Variants in SOX5 observed in about 807,000 individuals in gnomAD.
The protein encoded by SOX5 is SRY-box transcription factor 5.
SOX5 carries 9 observed loss-of-function variants against 92.0 expected under a neutral mutation model. The ratio of observed to expected loss-of-function variants is 0.10; its 90% CI spans 0.06 to 0.17. The LOEUF (loss-of-function observed/expected upper bound fraction) is 0.17, where lower values mean the gene tolerates loss of function less well. SOX5 is among the 10% of genes least tolerant of loss of function. The pLI is 1.00. For missense variants in SOX5, 642 were observed against 944.5 expected, an observed-to-expected ratio of 0.68 and a Z score of 4.20; for synonymous variants, 344 against 336.3, an observed-to-expected ratio of 1.02 and a Z score of -0.25.
intron 3 of SOX5, among the ~76,000 whole-genome samples, chr12:24,246,459 A>G (rs1375818986): frequency 2.0e-5 from 3 of 152,134 alleles, no homozygotes; most frequent in Non-Finnish European, 4.4e-5. Context: ...AGAAACTGTA[A>G]GAGACTAAGA....
chr12:24,103,988 T>C (rs934082825), intron 4 of SOX5, among the ~76,000 whole-genome samples: 4 of 152,218 alleles, frequency 2.6e-5, no homozygotes, highest in African/African-American at 9.6e-5. Context: ...TGTGCAAGCA[T>C]TGTTTTCCCA....
chr12:24,423,765 T>C (rs1034600092), intron 1 of SOX5, among the ~76,000 whole-genome samples: 4 of 152,194 alleles, frequency 2.6e-5, no homozygotes, highest in African/African-American at 9.6e-5. Context: ...GTGACTGCAA[T>C]GTACGGGCTA....
At chr12:23,672,465 A>G (rs962956334) in intron 6 of SOX5, among the ~76,000 whole-genome samples, 4 of 152,104 alleles carry the variant, frequency 2.6e-5, no homozygotes, top group Non-Finnish European at 5.9e-5. Context: ...CCTGGGCCCT[A>G]TGAGTTTATA....
chr12:23,770,965 T>C (rs561527481), intron 3 of SOX5, among the ~76,000 whole-genome samples: 57 of 152,206 alleles, frequency 3.7e-4, no homozygotes, highest in African/African-American at 1.3e-3. Flanking sequence ...ACAGTGGAGA[T>C]ATTCAATAAA....
chr12:24,081,145 T>C (rs1039128663), intron 4 of SOX5, among the ~76,000 whole-genome samples: 1 of 151,934 alleles, frequency 6.6e-6, no homozygotes, highest in Non-Finnish European at 1.5e-5. Context: ...TTCCAAACAG[T>C]GTGAACTCAT....
rs79974955 is a variant in SOX5, at chr12:23,805,726, C to T, written c.481+40257G>A. Among the ~76,000 whole-genome samples the T allele has an allele frequency of 9.7e-3, 1,482 of 152,058 alleles. 29 individuals are homozygous for T. The highest frequency in any genetic ancestry group is 0.034 in the African/African-American group (1,421 of 41,484). On this transcript the variant is annotated intron_variant, in intron 3 of 14. Coordinates refer to ENST00000451604, the MANE Select transcript of SOX5 (RefSeq NM_006940.6). The stretch of plus-strand genomic sequence containing the variant: ...TCAGGATGATCTATACAAATGTATA[C>T]GGCCAAACAGTAATTCAGAACAAAG...
chr12:23,903,053 T>C (rs1222700767), intron 1 of SOX5, among the ~76,000 whole-genome samples: 1 of 152,156 alleles, frequency 6.6e-6, no homozygotes, highest in Non-Finnish European at 1.5e-5. Flanking sequence ...ACAGGAAATA[T>C]ATACCTACTC....
At chr12:24,091,700 AT>A (rs1944674071) in intron 4 of SOX5, among the ~76,000 whole-genome samples, 2 of 152,150 alleles carry the variant, frequency 1.3e-5, no homozygotes, top group South Asian at 4.1e-4. Context: ...GGTATGATAA[AT>A]TCATGCTAGG....
At chr12:24,529,018 T>A (rs1687151757) in intron 1 of SOX5, among the ~76,000 whole-genome samples, 2 of 152,212 alleles carry the variant, frequency 1.3e-5, no homozygotes, top group African/African-American at 4.8e-5. Flanking sequence ...TTGTGAAATA[T>A]GTATCACTGT....
chr12:23,802,556 G>A (rs1332051463), intron 3 of SOX5, among the ~76,000 whole-genome samples: 2 of 151,568 alleles, frequency 1.3e-5, no homozygotes, highest in African/African-American at 4.9e-5. Context: ...TCTAAACACA[G>A]CTTGCTTATG....
At chr12:24,063,788 A>G (rs7964057) in intron 4 of SOX5, among the ~76,000 whole-genome samples, 44,205 of 152,056 alleles carry the variant, frequency 0.29, 6,746 homozygotes, top group African/African-American at 0.35. Context: ...TGGAATCAGA[A>G]GACCTAGCTC....
At chr12:24,061,391 A>G (rs1166630172) in intron 4 of SOX5, among the ~76,000 whole-genome samples, 1 of 152,030 alleles carries the variant, frequency 6.6e-6, no homozygotes, top group Non-Finnish European at 1.5e-5. Flanking sequence ...CAAACCATCC[A>G]TTATTGCCAT....
At chr12:23,640,369 G>T (rs1466595706) in intron 8 of SOX5, among the ~76,000 whole-genome samples, 7 of 152,146 alleles carry the variant, frequency 4.6e-5, no homozygotes, top group Admixed American at 4.6e-4. Context: ...AACTCAGCTG[G>T]TATTAGCAAG....
At chr12:23,781,202 T>A (rs183960440) in intron 3 of SOX5, among the ~76,000 whole-genome samples, 1 of 152,038 alleles carries the variant, frequency 6.6e-6, no homozygotes, top group East Asian at 1.9e-4. Context: ...CAGCTCAACT[T>A]TTCTGTACTT....
intron 6 of SOX5, among the ~76,000 whole-genome samples, chr12:23,727,721 T>C (rs2093210450): frequency 6.6e-6 from 1 of 152,082 alleles, no homozygotes; most frequent in African/African-American, 2.4e-5. Flanking sequence ...TATTTAAAGT[T>C]GATAAGTCAG....
At chr12:23,895,397 A>T (rs1451664932) in intron 2 of SOX5, among the ~76,000 whole-genome samples, 2 of 152,078 alleles carry the variant, frequency 1.3e-5, no homozygotes, top group African/African-American at 4.8e-5. Flanking sequence ...AATAACACTG[A>T]TTTATCATGT....
intron 1 of SOX5, among the ~76,000 whole-genome samples, chr12:24,515,522 C>A (rs980793682): frequency 1.3e-5 from 2 of 152,156 alleles, no homozygotes; most frequent in African/African-American, 4.8e-5. Flanking sequence ...TTCTCACAGA[C>A]ACTCTAGCAA....
At chr12:24,178,523 G>A (rs919487968) in intron 4 of SOX5, among the ~76,000 whole-genome samples, 23 of 152,198 alleles carry the variant, frequency 1.5e-4, no homozygotes, top group African/African-American at 5.3e-4. Flanking sequence ...ACTTTTTCAA[G>A]ATAAGTGAGA....
chr12:24,391,627 T>A (rs1959004966), intron 1 of SOX5, among the ~76,000 whole-genome samples: 1 of 152,176 alleles, frequency 6.6e-6, no homozygotes, highest in Non-Finnish European at 1.5e-5. Context: ...TTATGATATA[T>A]TATGAATCTA....
Sources: gnomAD v4.1 joint callset for allele counts (sites outside exome capture counted in the v4.1 genomes callset) on GRCh38, gnomAD v4.1.1 for gene constraint, MANE v1.5 for transcripts, NCBI Gene and HGNC (gene_info 2026-07-23, HGNC 2026-07-21) for gene names.